Variants in ACBD3 observed in about 807,000 individuals in gnomAD.
ACBD3 encodes the protein acyl-CoA binding domain containing 3, also known as Golgi resident protein GCP60.
Under a neutral mutation model 66.9 loss-of-function variants are expected in ACBD3, and 30 were observed. The ratio of observed to expected loss-of-function variants is 0.45; its 90% CI spans 0.34 to 0.61. The LOEUF is 0.61. Ranked by LOEUF, ACBD3 falls within the 20% of genes least tolerant of loss-of-function variation. ACBD3 has a pLI of 0.02. For synonymous variants in ACBD3, 278 were observed against 259.8 expected (o/e 1.07, Z -0.68); for missense variants, 544 against 664.5 (o/e 0.82, Z 1.99).
At chr1:226,169,393 G>A (rs564228532) in intron 1 of ACBD3, among the ~76,000 whole-genome samples, 43 of 151,868 alleles carry the variant, frequency 2.8e-4, no homozygotes, top group African/African-American at 9.9e-4. Context: ...GACTACAAGC[G>A]CCCGCCACCA....
At chr1:226,153,333 A>G (rs1384452610) in intron 6 of ACBD3, among the ~76,000 whole-genome samples, 2 of 152,204 alleles carry the variant, frequency 1.3e-5, no homozygotes, top group Non-Finnish European at 2.9e-5. Context: ...TTCTGAAGCA[A>G]TTATTACTTG....
rs775775456 is a variant in ACBD3 at position 226,154,614 on chromosome 1, T to C, written c.1090+33A>G. 226 of 1,569,456 alleles carry C rather than the reference T, an allele frequency of 1.4e-4. 2 individuals carry two copies. The highest frequency in any genetic ancestry group is 4.0e-4 in the Admixed American group (21 of 52,596). ...TTTGCCTTTCACAGATTTGGAATTA[T>C]GACATCTGGACAAACACATATGCAA... On this transcript the variant is annotated intron_variant, in intron 6 of 7. Transcript: ENST00000366812.
At chr1:226,156,190 C>CT (rs1558124751) in intron 5 of ACBD3, among the ~76,000 whole-genome samples, 2 of 152,308 alleles carry the variant, frequency 1.3e-5, no homozygotes, top group South Asian at 4.1e-4. Flanking sequence ...GGCACCTGCC[C>CT]TGAAGGGTAA....
At position 226,171,299 on chromosome 1, in the gene ACBD3, C is replaced by T. The variant is rs181082323; in HGVS notation, c.287-5299G>A. On this transcript the variant is annotated intron_variant, in intron 1 of 7. Coordinates refer to ENST00000366812, the MANE Select transcript of ACBD3 (RefSeq NM_022735.4). Reference sequence around the variant, plus strand: ...AGTAGCTGGAATTACAGGCATGCACCACCACGCCTGGCTACTTTTTGTACT... The same window carrying T: ...AGTAGCTGGAATTACAGGCATGCACTACCACGCCTGGCTACTTTTTGTACT... 2.0e-3 allele frequency among the ~76,000 whole-genome samples: 307 copies of T among 152,056 alleles called. 2 individuals are homozygous for T. The highest frequency in any genetic ancestry group is 3.8e-3 in the Non-Finnish European group (260 of 68,000).
intron 3 of ACBD3, among the ~76,000 whole-genome samples, chr1:226,164,368 A>G (rs1659829984): frequency 6.6e-6 from 1 of 152,188 alleles, no homozygotes; most frequent in Non-Finnish European, 1.5e-5. Flanking sequence ...GCCAAAGCCA[A>G]CATGAATGTC....
chr1:226,184,837 C>G (rs1264948947), intron 1 of ACBD3, among the ~76,000 whole-genome samples: 8 of 149,216 alleles, frequency 5.4e-5, no homozygotes, highest in African/African-American at 7.4e-5. Flanking sequence ...TTTTGCTCGT[C>G]GCCCAGGCTG....
chr1:226,159,012 C>G (rs560305107), intron 5 of ACBD3, among the ~76,000 whole-genome samples, 172 bp downstream of exon 5: 1 of 152,360 alleles, frequency 6.6e-6, no homozygotes, highest in Non-Finnish European at 1.5e-5. Context: ...CATATTTTCT[C>G]TCACAATTGC....
intron 1 of ACBD3, among the ~76,000 whole-genome samples, chr1:226,182,809 C>G (rs763143948): frequency 1.3e-5 from 2 of 152,172 alleles, no homozygotes; most frequent in Non-Finnish European, 2.9e-5. Context: ...CACTGTACTG[C>G]AGTTGTCACT....
intron 1 of ACBD3, among the ~76,000 whole-genome samples, chr1:226,176,694 AAATT>A (rs1217018430): frequency 6.6e-6 from 1 of 151,992 alleles, no homozygotes; most frequent in African/African-American, 2.4e-5. Context: ...AGTGAATGAG[AAATT>A]ATTATCATAA....
At chr1:226,166,291 A>T (rs1486199724) in intron 1 of ACBD3, among the ~76,000 whole-genome samples, 3 of 149,912 alleles carry the variant, frequency 2.0e-5, no homozygotes, top group African/African-American at 7.4e-5. Flanking sequence ...AAGTAGCTGG[A>T]CTACACGTGC....
At chr1:226,178,103 T>C (rs764655870) in intron 1 of ACBD3, among the ~76,000 whole-genome samples, 27 of 152,042 alleles carry the variant, frequency 1.8e-4, no homozygotes, top group Non-Finnish European at 3.7e-4. Flanking sequence ...TAACATGATA[T>C]ACAAAACACA....
intron 2 of ACBD3, among the ~76,000 whole-genome samples, chr1:226,165,417 C>T (rs1438454235): frequency 6.6e-6 from 1 of 152,140 alleles, no homozygotes; most frequent in Non-Finnish European, 1.5e-5. Context: ...ATGATCTACC[C>T]ACCTCGGCCT....
chr1:226,160,219 G>A (rs1423117019), intron 4 of ACBD3, among the ~76,000 whole-genome samples: 1 of 151,660 alleles, frequency 6.6e-6, no homozygotes, highest in Non-Finnish European at 1.5e-5. Flanking sequence ...AGCCTCCCAA[G>A]TAGCTGGGAT....
intron 4 of ACBD3, among the ~76,000 whole-genome samples, chr1:226,161,109 G>A (rs1359275728): frequency 2.6e-5 from 4 of 151,134 alleles, no homozygotes; most frequent in Non-Finnish European, 5.9e-5. Context: ...CAATCTCTGG[G>A]TTCTGCAAGT....
At chr1:226,184,959 A>T (rs1656263209) in intron 1 of ACBD3, among the ~76,000 whole-genome samples, 1 of 151,804 alleles carries the variant, frequency 6.6e-6, no homozygotes, top group Non-Finnish European at 1.5e-5. Context: ...CAGCTCAAAA[A>T]AAAAAAAAAA....
chr1:226,186,156 G>A (rs1020697678), intron 1 of ACBD3, among the ~76,000 whole-genome samples: 2 of 152,216 alleles, frequency 1.3e-5, no homozygotes, highest in African/African-American at 2.4e-5. Flanking sequence ...TAACCTCTGG[G>A]AGGCGGGACA....
intron 7 of ACBD3, 107 bp from the exon 8 acceptor site, chr1:226,146,928 G>C: frequency 8.8e-7 from 1 of 1,136,216 alleles, no homozygotes; most frequent in Non-Finnish European, 1.3e-6. Context: ...GTCTTGCTCT[G>C]TCACCCAGGA....
intron 1 of ACBD3, among the ~76,000 whole-genome samples, chr1:226,171,784 C>G (rs1350359021): frequency 6.6e-6 from 1 of 151,150 alleles, no homozygotes; most frequent in Non-Finnish European, 1.5e-5. Context: ...CTCAGGTGAT[C>G]TGCCCGCCTC....
chr1:226,178,933 C>A (rs903621065), intron 1 of ACBD3, among the ~76,000 whole-genome samples: 3 of 152,176 alleles, frequency 2.0e-5, no homozygotes, highest in Non-Finnish European at 4.4e-5. Context: ...TCTCTCAACT[C>A]CATCCACAGG....
Sources: allele counts gnomAD v4.1 joint callset (sites outside exome capture counted in the v4.1 genomes callset), GRCh38; gene constraint gnomAD v4.1.1; transcripts MANE v1.5; gene names NCBI Gene and HGNC (gene_info 2026-07-23, HGNC 2026-07-21).